ZNF804B: variants seen among roughly 807,000 people sequenced by gnomAD.
ZNF804B encodes zinc finger protein 804B.
In ZNF804B, 80 loss-of-function variants were observed where a neutral mutation model predicts 101.4. The observed-to-expected ratio is 0.79, with a 90% CI of 0.66 to 0.95. The LOEUF (loss-of-function observed/expected upper bound fraction) is 0.95, where lower values mean the gene tolerates loss of function less well. Ranked by LOEUF, ZNF804B falls within the 40% of genes least tolerant of loss-of-function variation. ZNF804B has a pLI of 0.00. For synonymous variants in ZNF804B, 622 were observed against 558.8 expected (o/e 1.11, Z -1.59); for missense variants, 1,673 against 1,561.9 (o/e 1.07, Z -1.20).
intron 3 of ZNF804B, among the ~76,000 whole-genome samples, chr7:89,331,910 A>G (rs112359424): frequency 0.022 from 3,363 of 151,640 alleles, 107 homozygotes; most frequent in African/African-American, 0.077. Context: ...TCTGAACTGA[A>G]GAAAGTTAAA....
intron 1 of ZNF804B, among the ~76,000 whole-genome samples, chr7:88,994,487 T>A (rs1427588422): frequency 1.3e-5 from 2 of 152,064 alleles, no homozygotes; most frequent in Admixed American, 6.6e-5. Flanking sequence ...ACTGATGAAT[T>A]CTTAGCGAAA....
At chr7:89,224,712 ATGTGTGTGTG>A (rs56064065) in intron 2 of ZNF804B, among the ~76,000 whole-genome samples, 17,336 of 144,074 alleles carry the variant, frequency 0.12, 1,034 homozygotes, top group Middle Eastern at 0.24. Flanking sequence ...CTGGCAAAGT[ATGTGTGTGTG>A]TGTGTGTGTG....
At chr7:89,216,816 C>A (rs944349562) in intron 1 of ZNF804B, among the ~76,000 whole-genome samples, 1 of 152,176 alleles carries the variant, frequency 6.6e-6, no homozygotes, top group Non-Finnish European at 1.5e-5. Context: ...ACACTTATGA[C>A]CCGATTTCTT....
chr7:89,120,007 A>G (rs891572685), intron 1 of ZNF804B, among the ~76,000 whole-genome samples: 1 of 152,096 alleles, frequency 6.6e-6, no homozygotes, highest in East Asian at 1.9e-4. Context: ...GTTACTAGAA[A>G]AATTCAGCTA....
chr7:89,081,511 C>T (rs185813321), intron 1 of ZNF804B, among the ~76,000 whole-genome samples: 1 of 151,732 alleles, frequency 6.6e-6, no homozygotes, highest in Admixed American at 6.6e-5. Context: ...CCATTATGAA[C>T]TAAGAATAAG....
chr7:89,152,974 A>G (rs6974598), intron 1 of ZNF804B, among the ~76,000 whole-genome samples: 81,636 of 151,916 alleles, frequency 0.54, 22,182 homozygotes, highest in Middle Eastern at 0.61. Flanking sequence ...GAAAGAAAAT[A>G]TTAACTAAAC....
intron 1 of ZNF804B, chr7:88,794,677 A>G: frequency 6.2e-7 from 1 of 1,613,816 alleles, no homozygotes; most frequent in Non-Finnish European, 8.5e-7. Context: ...ATAGATGAGC[A>G]GCAATCCTGT....
At chr7:88,850,633 C>G (rs888155124) in intron 1 of ZNF804B, among the ~76,000 whole-genome samples, 2 of 151,994 alleles carry the variant, frequency 1.3e-5, no homozygotes, top group Non-Finnish European at 2.9e-5. Flanking sequence ...AACTTAATAG[C>G]AAGATCCAAA....
At chr7:88,798,830 C>T (rs1175433757) in intron 1 of ZNF804B, among the ~76,000 whole-genome samples, 2 of 152,024 alleles carry the variant, frequency 1.3e-5, no homozygotes, top group African/African-American at 4.8e-5. Flanking sequence ...TCCTTATGTG[C>T]CATCTATTAA....
rs75099061 is a variant in ZNF804B at position 88,876,724 on chromosome 7, T to C, written c.108+116640T>C. On this transcript the variant is annotated intron_variant, in intron 1 of 3. Transcript: ENST00000333190. ...CTGTAAACTCCTTGAAAACATGGGC[T>C]GTGCTTTCATCTTCTTAATTAAAAG... Among the ~76,000 whole-genome samples the C allele has an allele frequency of 3.1e-3, 466 of 152,122 alleles. 17 individuals are homozygous for C. The East Asian group carries it at 0.068, about 22-fold the overall frequency.
At chr7:89,190,400 T>G (rs1019344330) in intron 1 of ZNF804B, among the ~76,000 whole-genome samples, 1 of 151,726 alleles carries the variant, frequency 6.6e-6, no homozygotes, top group Non-Finnish European at 1.5e-5. Flanking sequence ...ACTGAATTAT[T>G]GTGATTTCTT....
At chr7:89,243,350 C>T (rs929037580) in intron 2 of ZNF804B, among the ~76,000 whole-genome samples, 1 of 151,700 alleles carries the variant, frequency 6.6e-6, no homozygotes, top group Non-Finnish European at 1.5e-5. Context: ...AATGGGGCTT[C>T]TCTCTAGGTA....
chr7:88,985,929 A>T (rs552423868), intron 1 of ZNF804B, among the ~76,000 whole-genome samples: 366 of 152,234 alleles, frequency 2.4e-3, no homozygotes, highest in African/African-American at 7.9e-3. Flanking sequence ...CTTTCTTCTA[A>T]TAGGAACCAA....
intron 1 of ZNF804B, among the ~76,000 whole-genome samples, chr7:89,004,171 A>G (rs567255442): frequency 6.6e-6 from 1 of 151,970 alleles, no homozygotes; most frequent in South Asian, 2.1e-4. Flanking sequence ...AATGTATTCA[A>G]AAAAGCAAAT....
intron 1 of ZNF804B, among the ~76,000 whole-genome samples, chr7:89,193,170 ATAAAGGGCTTC>A (rs1190984837): frequency 6.6e-6 from 1 of 152,028 alleles, no homozygotes; most frequent in Non-Finnish European, 1.5e-5. Flanking sequence ...AGAGAAAGAA[ATAAAGGGCTTC>A]TAAACAGGAA....
At chr7:89,006,724 T>G (rs1043197676) in intron 1 of ZNF804B, among the ~76,000 whole-genome samples, 1 of 152,190 alleles carries the variant, frequency 6.6e-6, no homozygotes, top group Non-Finnish European at 1.5e-5. Context: ...CAGCAAACAC[T>G]GTTAACAGAG....
chr7:89,128,538 A>C (rs1214187667), intron 1 of ZNF804B, among the ~76,000 whole-genome samples: 6 of 151,958 alleles, frequency 3.9e-5, no homozygotes, highest in African/African-American at 1.4e-4. Flanking sequence ...GAAAATGTGA[A>C]ATCTCATTAG....
intron 1 of ZNF804B, among the ~76,000 whole-genome samples, chr7:88,953,132 T>C (rs1042873730): frequency 1.3e-5 from 2 of 151,888 alleles, no homozygotes; most frequent in Non-Finnish European, 2.9e-5. Context: ...TTTGTTCTTC[T>C]CTTGAAACTT....
chr7:88,911,189 T>C lies in ZNF804B; in HGVS notation c.108+151105T>C, dbSNP rs181115506. Among the ~76,000 whole-genome samples, 8 of 152,060 alleles carry C rather than the reference T, an allele frequency of 5.3e-5. No homozygotes were observed. The East Asian group carries it at 1.5e-3, about 29-fold the overall frequency. ...CACAAGAGCCTAAAATACAGGAATT[T>C]ATGTAAGTGCGAAAGGACATTTGCA... On this transcript the variant is annotated intron_variant, in intron 1 of 3. Transcript: ENST00000333190.
Sources: gnomAD v4.1 joint callset for allele counts (sites outside exome capture counted in the v4.1 genomes callset) on GRCh38, gnomAD v4.1.1 for gene constraint, MANE v1.5 for transcripts, NCBI Gene and HGNC (gene_info 2026-07-23, HGNC 2026-07-21) for gene names.